Variants in SYT12 observed in about 807,000 individuals in gnomAD.
SYT12 encodes synaptotagmin 12, also known as synaptotagmin-12.
Under a neutral mutation model 39.5 loss-of-function variants are expected in SYT12, and 27 were observed. The ratio of observed to expected loss-of-function variants is 0.68; its 90% confidence interval spans 0.50 to 0.94. The LOEUF (loss-of-function observed/expected upper bound fraction) is 0.94. Among genes scored for constraint, SYT12 ranks in the 40% least tolerant of loss-of-function variants. The probability of loss-of-function intolerance (pLI) is 0.00; values close to 1 mark genes in which losing one functional copy is unlikely to be tolerated. For synonymous variants in SYT12, 233 were observed against 239.7 expected (o/e 0.97, Z 0.26); for missense variants, 536 against 572.6 (o/e 0.94, Z 0.65).
At chr11:67,016,249 C>T (rs1364218228) in intron 3 of SYT12, among the ~76,000 whole-genome samples, 1 of 152,130 alleles carries the variant, frequency 6.6e-6, no homozygotes, top group Non-Finnish European at 1.5e-5. Flanking sequence ...CCGCTGCACT[C>T]CAGCCTGGGC....
At chr11:67,009,066 A>G (rs1483825507) in intron 1 of SYT12, among the ~76,000 whole-genome samples, 1 of 152,142 alleles carries the variant, frequency 6.6e-6, no homozygotes, top group Non-Finnish European at 1.5e-5. Flanking sequence ...GCTAGAGTAC[A>G]GTGCATCTTG....
At chr11:67,039,687 G>A (rs1194675931) in intron 3 of SYT12, 124 bp from the exon 4 acceptor site, 18 of 1,201,202 alleles carry the variant, frequency 1.5e-5, no homozygotes, top group African/African-American at 7.6e-5. Context: ...GGGATGCAGG[G>A]CTTCTGTGAA....
chr11:67,043,814 G>T lies in SYT12; in HGVS notation c.798G>T (p.Gln266His). The T allele has an allele frequency of 6.2e-7, 1 of 1,614,114 alleles. No homozygotes were observed. The highest frequency in any genetic ancestry group is 8.5e-7 in the Non-Finnish European group (1 of 1,180,042). Reference protein sequence around the residue: ...LKLSVLDLPLQPFSGWLYLQD... With the variant: ...LKLSVLDLPLHPFSGWLYLQD... ...TTTCTGTGCTTGACCTCCCGCTGCA[G>T]CCCTTCAGTGGCTGGCTCTATTTAC... The change falls in exon 5 of 8, where the codon CAG becomes CAT. Residue 266 changes from glutamine to histidine, a missense_variant. Coordinates refer to ENST00000527043, the MANE Select transcript of SYT12 (RefSeq NM_177963.4).
chr11:67,045,002 G>T (rs1204568569), intron 6 of SYT12, among the ~76,000 whole-genome samples: 1 of 152,102 alleles, frequency 6.6e-6, no homozygotes, highest in Non-Finnish European at 1.5e-5. Context: ...CCGCACTCAG[G>T]GCTGGGGGCA....
intron 2 of SYT12, 67 bp from the exon 3 acceptor site, chr11:67,034,578 G>A: frequency 6.9e-7 from 1 of 1,452,588 alleles, no homozygotes; most frequent in South Asian, 1.3e-5. Context: ...AGAAGTCGGT[G>A]CTGCTCCCCG....
chr11:67,023,832 G>A (rs1353461722), intron 1 of SYT12, among the ~76,000 whole-genome samples: 2 of 152,172 alleles, frequency 1.3e-5, no homozygotes, highest in South Asian at 2.1e-4. Context: ...CCGACACTCC[G>A]GTCCCCATAC....
chr11:67,008,538 G>C (rs1949988838), intron 1 of SYT12, among the ~76,000 whole-genome samples: 1 of 151,676 alleles, frequency 6.6e-6, no homozygotes, highest in African/African-American at 2.4e-5. Flanking sequence ...ACAGGTGTGA[G>C]ATGGCTACAT....
chr11:67,014,329 G>A (rs920736830), intron 3 of SYT12, among the ~76,000 whole-genome samples: 10 of 152,206 alleles, frequency 6.6e-5, no homozygotes, highest in Non-Finnish European at 1.3e-4. Context: ...CCCATGGAAA[G>A]TGCTCATTGG....
intron 4 of SYT12, among the ~76,000 whole-genome samples, chr11:67,041,854 T>G (rs988765870): frequency 6.6e-6 from 1 of 152,200 alleles, no homozygotes; most frequent in Non-Finnish European, 1.5e-5. Context: ...AGGTCAACTC[T>G]CAGGGCCAGA....
intron 7 of SYT12, among the ~76,000 whole-genome samples, chr11:67,047,079 C>T (rs1046634746): frequency 2.6e-5 from 4 of 151,962 alleles, no homozygotes; most frequent in Non-Finnish European, 5.9e-5. Context: ...ATTCTTCTGC[C>T]TCAGCTTCCT....
chr11:67,034,659 C>T lies in SYT12; in HGVS notation c.49C>T (p.Pro17Ser). 6.3e-7 allele frequency: 1 copy of T among 1,594,494 alleles called. No individual in the cohort carries two copies. ...EYHLSVIKSP[P>S]GWEVGVYAAG... ...TTGCCTTGCAGTCATCAAGAGCCCC[C>T]CTGGCTGGGAGGTGGGTGTCTATGC... is the stretch of plus-strand genomic sequence containing the variant. Residue 17 changes from proline to serine, a missense_variant, in exon 3 of 8, where the codon CCT (proline) becomes TCT (serine). Pro to Ser is a moderately conservative substitution (Grantham distance 74). Transcript: ENST00000527043.
chr11:67,042,523 C>T (rs1950531330), intron 4 of SYT12, among the ~76,000 whole-genome samples: 1 of 152,130 alleles, frequency 6.6e-6, no homozygotes, highest in Non-Finnish European at 1.5e-5. Flanking sequence ...AAGTGCTTTG[C>T]CCAAGACAAC....
intron 1 of SYT12, among the ~76,000 whole-genome samples, chr11:67,025,414 G>A (rs1302415497): frequency 6.6e-6 from 1 of 152,170 alleles, no homozygotes; most frequent in Non-Finnish European, 1.5e-5. Context: ...GGGGAGGGGT[G>A]CTGCAGAGGT....
In SYT12 at chr11:67,049,161, T is replaced by G. The variant is rs1186474810; in HGVS notation, c.*404T>G. 1 of 175,730 alleles carries G rather than the reference T, an allele frequency of 5.7e-6. No individual in the cohort carries two copies. The highest frequency in any genetic ancestry group is 2.3e-5 in the African/African-American group (1 of 42,746). The allele number at this position is 175,730 out of a possible 1,614,324, so 10.9% of individuals were successfully genotyped here. On this transcript the variant is annotated 3_prime_UTR_variant, in exon 8 of 8. Coordinates refer to ENST00000527043, the MANE Select transcript of SYT12 (RefSeq NM_177963.4). ...AGACTAGCTCCCCTGCCCCGGAGGA[T>G]CTGCTCAGTGCTGATGGCAGCCCAG...
At chr11:67,028,060 G>A (rs2136207488) in intron 1 of SYT12, 1 of 152,342 alleles carries the variant, frequency 6.6e-6, no homozygotes, top group East Asian at 1.9e-4. Flanking sequence ...GTGGTTAGGA[G>A]CATGGAGCCA....
chr11:67,044,481 C>A, intron 5 of SYT12, 112 bp from the exon 6 acceptor site: 1 of 1,452,380 alleles, frequency 6.9e-7, no homozygotes, highest in Non-Finnish European at 9.2e-7. Context: ...CCCAGTGCAG[C>A]CACTTCTCTA....
chr11:67,044,253 T>C (rs1950567835), intron 5 of SYT12, among the ~76,000 whole-genome samples: 1 of 152,228 alleles, frequency 6.6e-6, no homozygotes, highest in Non-Finnish European at 1.5e-5. Context: ...CTCTGATCGC[T>C]GTGTATTACT....
chr11:67,035,880 TTCCCTCCC>T (rs1175391275), intron 3 of SYT12, among the ~76,000 whole-genome samples: 7 of 115,370 alleles, frequency 6.1e-5, no homozygotes, highest in Admixed American at 4.4e-4. Flanking sequence ...CTTTCTTTCT[TTCCCTCCC>T]TCCCTCCCTC....
chr11:67,016,692 C>A (rs1046535713), intron 3 of SYT12, among the ~76,000 whole-genome samples: 1 of 152,174 alleles, frequency 6.6e-6, no homozygotes, highest in Admixed American at 6.5e-5. Context: ...GCTGCAAGAC[C>A]CAGCTCTGGA....
Sources: gnomAD v4.1 joint callset for allele counts (sites outside exome capture counted in the v4.1 genomes callset) on GRCh38, gnomAD v4.1.1 for gene constraint, MANE v1.5 for transcripts, NCBI Gene and HGNC (gene_info 2026-07-23, HGNC 2026-07-21) for gene names.